The following FREM2 variants were observed in gnomAD, a reference collection of about 807,000 sequenced individuals.
The protein encoded by FREM2 is FRAS1-related extracellular matrix protein 2.
Under a neutral mutation model 219.9 loss-of-function variants are expected in FREM2, and 119 were observed. The ratio of observed to expected loss-of-function variants is 0.54; its 90% CI spans 0.47 to 0.63. The LOEUF (loss-of-function observed/expected upper bound fraction) is 0.63. FREM2 is among the 30% of genes least tolerant of loss of function. The probability of loss-of-function intolerance (pLI) is 0.00; values close to 1 mark genes in which losing one functional copy is unlikely to be tolerated. For missense variants in FREM2, 4,030 were observed against 3,993.6 expected (o/e 1.01, Z -0.25); for synonymous variants, 1,562 against 1,522.8 (o/e 1.03, Z -0.60).
chr13:38,790,003 G>T (rs1874495348), intron 6 of FREM2, among the ~76,000 whole-genome samples: 1 of 152,040 alleles, frequency 6.6e-6, no homozygotes, highest in Admixed American at 6.6e-5. Context: ...TACAATCCTA[G>T]TTCAGGGATT....
chr13:38,740,593 T>G (rs571385274), intron 2 of FREM2, among the ~76,000 whole-genome samples: 19 of 152,304 alleles, frequency 1.2e-4, no homozygotes, highest in African/African-American at 4.3e-4. Flanking sequence ...AGAAAAGAAA[T>G]AAATCATTCT....
At chr13:38,877,293 T>C (rs763732342) in intron 21 of FREM2, 50 bp downstream of exon 21, 1 of 1,605,374 alleles carries the variant, frequency 6.2e-7, no homozygotes, top group African/African-American at 1.3e-5. Flanking sequence ...GTATATCTTT[T>C]GTGCTTTGCT....
chr13:38,776,261 A>G (rs1426517770), intron 4 of FREM2, among the ~76,000 whole-genome samples: 1 of 152,182 alleles, frequency 6.6e-6, no homozygotes, highest in Non-Finnish European at 1.5e-5. Context: ...TTGTTTTTGA[A>G]TGTGCCAAAT....
chr13:38,834,660 G>C (rs1876640687), intron 6 of FREM2, among the ~76,000 whole-genome samples: 1 of 152,248 alleles, frequency 6.6e-6, no homozygotes, highest in South Asian at 2.1e-4. Context: ...GCATGAAATG[G>C]TGTTCATTGT....
At chr13:38,845,252 T>C (rs906418164) in intron 6 of FREM2, among the ~76,000 whole-genome samples, 1 of 117,444 alleles carries the variant, frequency 8.5e-6, no homozygotes, top group Non-Finnish European at 1.9e-5. Context: ...ATACTCAACT[T>C]GAACAATGCA....
intron 2 of FREM2, among the ~76,000 whole-genome samples, chr13:38,716,123 G>C (rs1170953920): frequency 2.0e-5 from 3 of 149,566 alleles, no homozygotes; most frequent in African/African-American, 7.5e-5. Flanking sequence ...TGTCTCACTG[G>C]GATGAACGAG....
chr13:38,775,834 G>C (rs576927291), intron 4 of FREM2, among the ~76,000 whole-genome samples: 2 of 152,240 alleles, frequency 1.3e-5, no homozygotes, highest in East Asian at 3.9e-4. Flanking sequence ...GGCCAGGCTG[G>C]TCTCGAACTC....
At chr13:38,782,021 A>G (rs947633553) in intron 4 of FREM2, among the ~76,000 whole-genome samples, 1 of 152,110 alleles carries the variant, frequency 6.6e-6, no homozygotes, top group African/African-American at 2.4e-5. Context: ...CCATTGGCCG[A>G]CCCAACCAGG....
rs1236995955 is a variant in FREM2 at position 38,691,467 on chromosome 13, G to C, written c.4123G>C (p.Val1375Leu). Residue 1375 changes from valine to leucine, a missense_variant, in exon 1 of 24, where the codon GTA becomes CTA. Val to Leu is a conservative substitution (Grantham distance 32, BLOSUM62 1). Around this residue, in one of 2 missense-constraint regions of FREM2, gnomAD observed 3,102 missense variants for 2,950.7 expected, o/e 1.05. Coordinates refer to ENST00000280481, the MANE Select transcript of FREM2 (RefSeq NM_207361.6). ...GGGCATGAATTTTACCCAGGATGAA[G>C]TAGACAGAAACTTAATTCAGTATGT... ...TLGMNFTQDE[V>L]DRNLIQYVHL... is the part of the protein sequence containing the mutation. The C allele has an allele frequency of 5.0e-6, 8 of 1,614,070 alleles. No homozygotes were observed. The highest frequency in any genetic ancestry group is 5.9e-6 in the Non-Finnish European group (7 of 1,180,042).
chr13:38,767,761 T>C (rs574888304), intron 3 of FREM2, among the ~76,000 whole-genome samples: 2 of 152,326 alleles, frequency 1.3e-5, no homozygotes, highest in East Asian at 3.9e-4. Context: ...GTCTACAGCA[T>C]TCAACAAGAT....
At chr13:38,808,832 GA>G (rs943710158) in intron 6 of FREM2, among the ~76,000 whole-genome samples, 17 of 151,960 alleles carry the variant, frequency 1.1e-4, no homozygotes, top group African/African-American at 4.1e-4. Flanking sequence ...CATGCTGTTG[GA>G]AAAATGATGC....
chr13:38,761,907 T>A (rs1245345656), intron 2 of FREM2, among the ~76,000 whole-genome samples: 1 of 152,080 alleles, frequency 6.6e-6, no homozygotes, highest in Non-Finnish European at 1.5e-5. Flanking sequence ...TCAGGGTAGG[T>A]CAGGATGAAC....
At chr13:38,877,821 G>T (rs1349505474) in intron 21 of FREM2, among the ~76,000 whole-genome samples, 1 of 152,062 alleles carries the variant, frequency 6.6e-6, no homozygotes, top group East Asian at 1.9e-4. Flanking sequence ...TTGTAAACTG[G>T]ACTTGGACCA....
At chr13:38,858,208 C>G (rs984753175) in intron 13 of FREM2, among the ~76,000 whole-genome samples, 175 bp downstream of exon 13, 4 of 152,146 alleles carry the variant, frequency 2.6e-5, no homozygotes, top group Admixed American at 2.0e-4. Context: ...ATTTTTCTTT[C>G]TTCACCGAAC....
rs561336798 is a variant in FREM2, at chr13:38,690,431, G to A, written c.3087G>A (p.Ala1029=). ...TSGEIGLLPK[A]DSFNLSLSDM... ...GTGAGATAGGCCTATTGCCTAAAGC[G>A]GATTCTTTTAACCTGAGTCTGTCAG... The change falls in exon 1 of 24, where the codon GCG becomes GCA. Residue 1029 remains alanine, a synonymous_variant. Transcript: ENST00000280481. 80 of 1,614,172 alleles carry A rather than the reference G, an allele frequency of 5.0e-5. No individual in the cohort carries two copies. Among genetic ancestry groups the A allele is most frequent in the Middle Eastern group, 1.6e-4 (1 of 6,062 alleles).
rs149716318 is a variant in FREM2, at chr13:38,784,842, C to T, written c.6019+34C>T. 4.7e-4 allele frequency: 762 copies of T among 1,610,326 alleles called. 1 individual carries two copies. The African/African-American group carries it at 5.9e-3, about 12-fold the overall frequency. On this transcript the variant is annotated intron_variant, in intron 6 of 23. Coordinates refer to ENST00000280481, the MANE Select transcript of FREM2 (RefSeq NM_207361.6). Reference sequence around the variant, plus strand: ...TAATTTACTTGAAAATTCTTTTTCCCGGGAAGATCAACATCAGGAACAACT... The same window carrying T: ...TAATTTACTTGAAAATTCTTTTTCCTGGGAAGATCAACATCAGGAACAACT...
intron 2 of FREM2, among the ~76,000 whole-genome samples, chr13:38,729,084 C>A (rs968722026): frequency 1.3e-5 from 2 of 152,232 alleles, no homozygotes; most frequent in African/African-American, 4.8e-5. Context: ...ATCCGCCCAC[C>A]TTGGCCTCCT....
intron 6 of FREM2, among the ~76,000 whole-genome samples, chr13:38,786,377 C>T (rs1874330398): frequency 6.6e-6 from 1 of 152,104 alleles, no homozygotes; most frequent in South Asian, 2.1e-4. Flanking sequence ...CTTGATTCTA[C>T]CTTAAATTTA....
At chr13:38,834,985 G>T (rs1048811316) in intron 6 of FREM2, among the ~76,000 whole-genome samples, 2 of 152,128 alleles carry the variant, frequency 1.3e-5, no homozygotes, top group African/African-American at 4.8e-5. Context: ...GGCTTTTGTT[G>T]CTATTGCTTT....
Sources: allele counts gnomAD v4.1 joint callset (sites outside exome capture counted in the v4.1 genomes callset), GRCh38; gene constraint gnomAD v4.1.1; regional missense constraint gnomAD v4.1.1; transcripts MANE v1.5; gene names NCBI Gene and HGNC (gene_info 2026-07-23, HGNC 2026-07-21).